Variants in FSTL4 observed in about 807,000 individuals in gnomAD.
The protein encoded by FSTL4 is follistatin-related protein 4.
In FSTL4, 28 loss-of-function variants were observed where a neutral mutation model predicts 78.2. The ratio of observed to expected loss-of-function variants is 0.36; its 90% CI spans 0.27 to 0.49. FSTL4 has a LOEUF of 0.49. Among genes scored for constraint, FSTL4 ranks in the 20% least tolerant of loss-of-function variants. The probability of loss-of-function intolerance (pLI) is 0.98; values close to 1 mark genes in which losing one functional copy is unlikely to be tolerated. For missense variants in FSTL4, 922 were observed against 1,084.9 expected (o/e 0.85, Z 2.11); for synonymous variants, 422 against 440.5 (o/e 0.96, Z 0.53).
At chr5:133,437,774 A>G (rs1461323692) in intron 3 of FSTL4, among the ~76,000 whole-genome samples, 1 of 151,012 alleles carries the variant, frequency 6.6e-6, no homozygotes, top group East Asian at 1.9e-4. Flanking sequence ...TACAGGCATG[A>G]GCCACTGCAC....
At chr5:133,395,918 G>C (rs958910273) in intron 4 of FSTL4, among the ~76,000 whole-genome samples, 2 of 152,178 alleles carry the variant, frequency 1.3e-5, no homozygotes, top group African/African-American at 4.8e-5. Context: ...CCAGACTGGG[G>C]ATCAGAGATA....
chr5:133,644,713 C>T, the FSTL4 span, among the ~76,000 whole-genome samples: 3 of 152,156 alleles, frequency 2.0e-5, no homozygotes, highest in African/African-American at 7.2e-5. Flanking sequence ...CTGCTGGTTA[C>T]TTTCCATTCA....
chr5:133,448,711 G>A (rs183093094), intron 3 of FSTL4, among the ~76,000 whole-genome samples: 69 of 135,180 alleles, frequency 5.1e-4, no homozygotes, highest in Non-Finnish European at 7.7e-4. Context: ...CAGACAGTGC[G>A]GCTTCAGAAT....
At chr5:133,720,878 G>A in the FSTL4 span, 95 of 152,240 alleles carry the variant, frequency 6.2e-4, 2 homozygotes, top group Non-Finnish European at 7.3e-5. Context: ...TGACACATTT[G>A]GGTGTGCCCC....
At chr5:133,672,368 A>G in the FSTL4 span, among the ~76,000 whole-genome samples, 2 of 152,238 alleles carry the variant, frequency 1.3e-5, no homozygotes, top group African/African-American at 4.8e-5. Context: ...GGCATGAAAC[A>G]TGATAGTGAA....
chr5:133,517,719 A>C (rs898966270), intron 3 of FSTL4, among the ~76,000 whole-genome samples: 2 of 151,502 alleles, frequency 1.3e-5, no homozygotes, highest in Middle Eastern at 3.4e-3. Context: ...CAAAATCTGC[A>C]GGGTAGGCTG....
chr5:133,837,656 A>C, the FSTL4 span, among the ~76,000 whole-genome samples: 1 of 152,134 alleles, frequency 6.6e-6, no homozygotes, highest in Non-Finnish European at 1.5e-5. Context: ...TACTCTTATA[A>C]ATTTCAACTC....
intron 4 of FSTL4, among the ~76,000 whole-genome samples, chr5:133,331,098 T>C (rs1754334550): frequency 1.3e-5 from 2 of 152,112 alleles, no homozygotes; most frequent in Non-Finnish European, 2.9e-5. Flanking sequence ...CTCTGTGCAC[T>C]GGGGTAGAGA....
intron 3 of FSTL4, among the ~76,000 whole-genome samples, chr5:133,522,713 C>T (rs1222199464): frequency 6.6e-6 from 1 of 152,150 alleles, no homozygotes; most frequent in Non-Finnish European, 1.5e-5. Context: ...CCCCAGTGGC[C>T]CTTCAGGGCT....
intron 3 of FSTL4, among the ~76,000 whole-genome samples, chr5:133,543,821 A>AT (rs935493733): frequency 5.3e-5 from 8 of 150,720 alleles, no homozygotes; most frequent in Non-Finnish European, 8.9e-5. Flanking sequence ...TGTATTTTCT[A>AT]TTTTTTCTGC....
At chr5:133,518,157 T>C (rs182214147) in intron 3 of FSTL4, among the ~76,000 whole-genome samples, 1 of 152,318 alleles carries the variant, frequency 6.6e-6, no homozygotes, top group East Asian at 1.9e-4. Flanking sequence ...CATTTTTGAC[T>C]AAATAAACAT....
chr5:133,489,407 G>A (rs1758211123), intron 3 of FSTL4, among the ~76,000 whole-genome samples: 1 of 152,178 alleles, frequency 6.6e-6, no homozygotes, highest in African/African-American at 2.4e-5. Context: ...GTAGCACAGA[G>A]GGCCTCCATT....
the FSTL4 span, among the ~76,000 whole-genome samples, chr5:133,731,914 A>C: frequency 6.6e-6 from 1 of 152,166 alleles, no homozygotes; most frequent in Non-Finnish European, 1.5e-5. Flanking sequence ...TTATTCTAAG[A>C]TTCTAGATAC....
chr5:133,788,342 C>T, the FSTL4 span, among the ~76,000 whole-genome samples: 5 of 152,246 alleles, frequency 3.3e-5, no homozygotes, highest in African/African-American at 1.2e-4. Context: ...ACACATTGCT[C>T]TGGCTGCTCA....
intron 3 of FSTL4, among the ~76,000 whole-genome samples, chr5:133,508,748 G>A (rs917111675): frequency 2.0e-5 from 3 of 152,216 alleles, no homozygotes; most frequent in Admixed American, 2.0e-4. Context: ...CCACATGAGT[G>A]AGAAGCAAAT....
rs1159943914 is a variant in FSTL4, at chr5:133,523,792, A to G, written c.160+43394T>C. On this transcript the variant is annotated intron_variant, in intron 3 of 15. Coordinates refer to ENST00000265342, the MANE Select transcript of FSTL4 (RefSeq NM_015082.2). ...TATACAATTTATTATTTATTATGTT[A>G]CCCATTTATTACAATTGTAAATTTG... 4.6e-5 allele frequency among the ~76,000 whole-genome samples: 7 copies of G among 152,276 alleles called. No homozygotes were observed. In the South Asian group the frequency reaches 1.5e-3, roughly 32 times the overall value.
chr5:133,715,775 C>A, the FSTL4 span, among the ~76,000 whole-genome samples: 2 of 152,136 alleles, frequency 1.3e-5, no homozygotes, highest in African/African-American at 2.4e-5. Context: ...GAATGCCTTG[C>A]GAAATCCCAA....
intron 7 of FSTL4, chr5:133,248,844 C>T (rs1484772903): frequency 6.3e-6 from 1 of 159,544 alleles, no homozygotes; most frequent in African/African-American, 2.4e-5. Flanking sequence ...AGGTGGGTCC[C>T]CTCTGGCCTG....
chr5:133,353,418 C>T (rs1305984396), intron 4 of FSTL4, among the ~76,000 whole-genome samples: 1 of 152,186 alleles, frequency 6.6e-6, no homozygotes, highest in East Asian at 1.9e-4. Flanking sequence ...CAGACTGCTC[C>T]CCGGTCTGAA....
Sources: gnomAD v4.1 joint callset for allele counts (sites outside exome capture counted in the v4.1 genomes callset) on GRCh38, gnomAD v4.1.1 for gene constraint, MANE v1.5 for transcripts, NCBI Gene and HGNC (gene_info 2026-07-23, HGNC 2026-07-21) for gene names.